ASH1L: variants seen among roughly 807,000 people sequenced by gnomAD.
ASH1L encodes the protein histone-lysine N-methyltransferase ASH1L.
In ASH1L, 23 loss-of-function variants were observed where a neutral mutation model predicts 269.0. That is an observed-to-expected ratio of 0.09 (90% CI 0.06 to 0.12). ASH1L has a LOEUF of 0.12. Among genes scored for constraint, ASH1L ranks in the 10% least tolerant of loss-of-function variants. The pLI, the probability that ASH1L is intolerant of heterozygous loss-of-function variation, is 1.00. For synonymous variants in ASH1L, 1,187 were observed against 1,253.5 expected (o/e 0.95, Z 1.12); for missense variants, 2,912 against 3,567.8 (o/e 0.82, Z 4.68).
intron 2 of ASH1L, among the ~76,000 whole-genome samples, chr1:155,515,603 G>A (rs751307913): frequency 2.6e-5 from 4 of 151,974 alleles, no homozygotes; most frequent in Non-Finnish European, 4.4e-5. Context: ...TGAGGCAGGC[G>A]AATCACCTGA....
chr1:155,543,715 T>C (rs1231685613), intron 1 of ASH1L, among the ~76,000 whole-genome samples: 2 of 151,840 alleles, frequency 1.3e-5, no homozygotes, highest in Non-Finnish European at 2.9e-5. Flanking sequence ...GAGGGTGACC[T>C]GAGGCCAGGA....
intron 15 of ASH1L, 123 bp from the exon 16 acceptor site, chr1:155,354,753 T>C (rs1654222652): frequency 3.4e-6 from 3 of 874,820 alleles, no homozygotes; most frequent in Admixed American, 3.1e-5. Context: ...AAGAGAATTA[T>C]ATGGGCAAAG....
intron 5 of ASH1L, chr1:155,433,053 T>C: frequency 1.9e-6 from 2 of 1,065,020 alleles, no homozygotes; most frequent in African/African-American, 1.6e-5. Context: ...ATCATCCTCC[T>C]TGTCAGTGTT....
chr1:155,535,760 G>A (rs1379448988), intron 1 of ASH1L, among the ~76,000 whole-genome samples: 1 of 152,102 alleles, frequency 6.6e-6, no homozygotes, highest in Non-Finnish European at 1.5e-5. Flanking sequence ...TTGGGAGGTT[G>A]AGGCAGGCAG....
At chr1:155,441,138 T>C (rs1662522470) in intron 4 of ASH1L, among the ~76,000 whole-genome samples, 1 of 152,244 alleles carries the variant, frequency 6.6e-6, no homozygotes, top group Non-Finnish European at 1.5e-5. Context: ...TGTGGGGCTA[T>C]TAAAATACGT....
intron 20 of ASH1L, 134 bp from the exon 21 acceptor site, chr1:155,346,603 T>C (rs1022763896): frequency 7.1e-6 from 5 of 700,296 alleles, no homozygotes; most frequent in South Asian, 6.6e-5. Flanking sequence ...GGGTGAATGA[T>C]AAATTAGAGA....
intron 2 of ASH1L, among the ~76,000 whole-genome samples, chr1:155,517,337 A>T (rs1461888170): frequency 6.6e-6 from 1 of 152,066 alleles, no homozygotes; most frequent in Non-Finnish European, 1.5e-5. Context: ...TCTCTCTTTA[A>T]AAACAAACAG....
intron 1 of ASH1L, among the ~76,000 whole-genome samples, chr1:155,534,546 T>C (rs1669918560): frequency 1.3e-5 from 2 of 151,880 alleles, no homozygotes; most frequent in African/African-American, 4.8e-5. Flanking sequence ...GGAGATACAA[T>C]AGTACAAAAT....
At chr1:155,344,143 G>A (rs748063150) in intron 22 of ASH1L, 40 bp downstream of exon 22, 9 of 1,547,184 alleles carry the variant, frequency 5.8e-6, no homozygotes, top group East Asian at 4.5e-5. Context: ...TATTCAGAAA[G>A]GTCACCTCTG....
At chr1:155,506,425 G>A (rs866712915) in intron 2 of ASH1L, among the ~76,000 whole-genome samples, 10 of 152,254 alleles carry the variant, frequency 6.6e-5, no homozygotes, top group Admixed American at 2.0e-4. Flanking sequence ...GGCTGGGCAC[G>A]GTGGCTCACG....
At chr1:155,357,796 G>C (rs763757470) in intron 13 of ASH1L, 47 bp from the exon 14 acceptor site, 3 of 1,536,304 alleles carry the variant, frequency 2.0e-6, no homozygotes, top group Non-Finnish European at 2.6e-6. Context: ...TTTTAAGGCA[G>C]GGTCTTTCCT....
At chr1:155,455,992 G>A (rs77487737) in intron 4 of ASH1L, among the ~76,000 whole-genome samples, 4,051 of 152,100 alleles carry the variant, frequency 0.027, 203 homozygotes, top group African/African-American at 0.094. Flanking sequence ...TGCATATGTG[G>A]TTTTTTGTTC....
rs1672107551 is a variant in ASH1L, at chr1:155,562,663, G to A, written c.-610C>T. The A allele has an allele frequency of 1.3e-6, 2 of 1,523,708 alleles. No homozygotes were observed. The highest frequency in any genetic ancestry group is 1.8e-6 in the Non-Finnish European group (2 of 1,139,042). 94.4% of individuals were successfully genotyped at this position (1,523,708 alleles called of 1,614,324 possible). On this transcript the variant is annotated 5_prime_UTR_variant, in exon 1 of 28. Coordinates refer to ENST00000392403, the MANE Select transcript of ASH1L (RefSeq NM_018489.3). ...CTGCTCCCACCAACCACCACCTTCG[G>A]CCGCCCCGCGCGCCAGCCAGCCCGT...
At chr1:155,382,645 GAAC>G (rs1657082735) in intron 7 of ASH1L, among the ~76,000 whole-genome samples, 1 of 152,066 alleles carries the variant, frequency 6.6e-6, no homozygotes, top group Non-Finnish European at 1.5e-5. Flanking sequence ...CCTTTCAGTA[GAAC>G]AAGACATACA....
chr1:155,368,241 C>T lies in ASH1L; in HGVS notation c.6686+2263G>A, dbSNP rs145879595. On this transcript the variant is annotated intron_variant, in intron 12 of 27. Coordinates refer to ENST00000392403, the MANE Select transcript of ASH1L (RefSeq NM_018489.3). ...TGAACTCCTGGGCTCAAGCAATCCTCCCACCTCTACCTCCCAAAGTGCTGG... is the reference window on the plus strand; with the variant it reads ...TGAACTCCTGGGCTCAAGCAATCCTTCCACCTCTACCTCCCAAAGTGCTGG... 2.7e-4 allele frequency among the ~76,000 whole-genome samples: 41 copies of T among 152,264 alleles called. 1 individual carries two copies. The East Asian group carries it at 6.7e-3, about 25-fold the overall frequency.
At chr1:155,444,201 C>T (rs539763190) in intron 4 of ASH1L, among the ~76,000 whole-genome samples, 36 of 152,058 alleles carry the variant, frequency 2.4e-4, no homozygotes, top group African/African-American at 8.7e-4. Flanking sequence ...AGGCTGGTCT[C>T]GAATTCCTGA....
At chr1:155,415,133 C>T (rs1050934973) in intron 6 of ASH1L, among the ~76,000 whole-genome samples, 10 of 151,900 alleles carry the variant, frequency 6.6e-5, no homozygotes, top group Non-Finnish European at 1.5e-5. Flanking sequence ...CCTGTAATCC[C>T]AGCACTTTGG....
intron 1 of ASH1L, among the ~76,000 whole-genome samples, chr1:155,558,458 C>T (rs930986291): frequency 2.6e-5 from 4 of 151,650 alleles, no homozygotes; most frequent in Non-Finnish European, 4.4e-5. Context: ...ACAACAAGAG[C>T]GAAACTCTCT....
chr1:155,559,239 T>C (rs1571162313), intron 1 of ASH1L, among the ~76,000 whole-genome samples: 4 of 152,194 alleles, frequency 2.6e-5, no homozygotes, highest in Admixed American at 1.3e-4. Context: ...AGTTCCTTTA[T>C]ACAAAAACAC....
Sources: allele counts gnomAD v4.1 joint callset (sites outside exome capture counted in the v4.1 genomes callset), GRCh38; gene constraint gnomAD v4.1.1; transcripts MANE v1.5; gene names NCBI Gene and HGNC (gene_info 2026-07-23, HGNC 2026-07-21).